RPTOR: variants seen among roughly 807,000 people sequenced by gnomAD.
RPTOR encodes the protein regulatory associated protein of MTOR complex 1.
In RPTOR, 21 loss-of-function variants were observed where a neutral mutation model predicts 169.9. The ratio of observed to expected loss-of-function variants is 0.12; its 90% CI spans 0.09 to 0.18. RPTOR has a LOEUF of 0.18. Ranked by LOEUF, RPTOR falls within the 10% of genes least tolerant of loss-of-function variation. The pLI is 1.00. For missense variants in RPTOR, 1,133 were observed against 1,855.9 expected, an observed-to-expected ratio of 0.61 and a Z score of 7.16; for synonymous variants, 732 against 753.2, an observed-to-expected ratio of 0.97 and a Z score of 0.46.
chr17:80,906,140 G>A (rs745757452), intron 20 of RPTOR, among the ~76,000 whole-genome samples: 10 of 151,974 alleles, frequency 6.6e-5, no homozygotes, highest in Admixed American at 2.6e-4. Context: ...CAGTGAGGCC[G>A]CATCTCCTCC....
In RPTOR at chr17:80,545,073, C is replaced by G; in HGVS notation, c.-557C>G. ...TTGAGGAACCGGGTGCAGGCGAGCA[C>G]GATGGGCCGGTCGTGGCTCTGGTTG... is the stretch of plus-strand genomic sequence containing the variant. On this transcript the variant is annotated 5_prime_UTR_variant, in exon 1 of 34. Transcript: ENST00000306801. 4.3e-6 allele frequency: 1 copy of G among 233,618 alleles called. No individual in the cohort carries two copies. The highest frequency in any genetic ancestry group is 8.5e-6 in the Non-Finnish European group (1 of 118,068). 14.5% of individuals were successfully genotyped at this position (233,618 alleles called of 1,614,324 possible).
Position 80,845,436 on chromosome 17 carries a change from CAA to C in RPTOR, c.1213-1036_1213-1035del, listed in dbSNP as rs2067717941. Among the ~76,000 whole-genome samples the C allele has an allele frequency of 6.6e-6, 1 of 152,154 alleles. No homozygotes were observed. ...CTCGTTTCCCATTTCACTGAGGAAACAAGAAGCAGTCGCATGACCGCCTCTGC... is the reference window on the plus strand; with the variant it reads ...CTCGTTTCCCATTTCACTGAGGAAACGAAGCAGTCGCATGACCGCCTCTGC... On this transcript the variant is annotated intron_variant, in intron 10 of 33. Coordinates refer to ENST00000306801, the MANE Select transcript of RPTOR (RefSeq NM_020761.3). The surrounding 1 kb of genome is among the most constrained non-coding windows in gnomAD (Gnocchi z 5.4).
At chr17:80,738,908 A>G (rs1036824762) in intron 5 of RPTOR, among the ~76,000 whole-genome samples, 1 of 152,284 alleles carries the variant, frequency 6.6e-6, no homozygotes, top group African/African-American at 2.4e-5. Flanking sequence ...TTGATTAGCC[A>G]TAATTCATGA....
At chr17:80,812,620 G>A (rs2067284691) in intron 7 of RPTOR, among the ~76,000 whole-genome samples, 1 of 152,106 alleles carries the variant, frequency 6.6e-6, no homozygotes, top group Non-Finnish European at 1.5e-5. Context: ...TTCCAAGAGA[G>A]GTGGCCCCAA....
Position 80,583,193 on chromosome 17 carries a change from T to TG in RPTOR, c.162+37402_162+37403insG, listed in dbSNP as rs1369977921. Among the ~76,000 whole-genome samples the TG allele has an allele frequency of 2.7e-3, 363 of 133,920 alleles. 3 individuals carry two copies. The highest frequency in any genetic ancestry group is 6.0e-3 in the South Asian group (24 of 4,000). 87.9% of individuals were successfully genotyped at this position (133,920 alleles called of 152,430 possible). ...ACTGCCTCTTTCCTGTTTTTTTTTT[T>TG]TTTTTTTTTTTTTGAGACAGAGTCT... On this transcript the variant is annotated intron_variant, in intron 1 of 33. Transcript: ENST00000306801.
At chr17:80,958,071 CG>C (rs1398791688) in intron 29 of RPTOR, among the ~76,000 whole-genome samples, 2 of 151,090 alleles carry the variant, frequency 1.3e-5, no homozygotes, top group African/African-American at 4.9e-5. Flanking sequence ...TATTTGGAGG[CG>C]TTTTTTTTTT....
intron 1 of RPTOR, among the ~76,000 whole-genome samples, chr17:80,578,670 G>A (rs554388918): frequency 2.0e-5 from 3 of 152,308 alleles, no homozygotes; most frequent in Non-Finnish European, 4.4e-5. Flanking sequence ...TGACTGAGAC[G>A]GTAACTACAG....
chr17:80,640,710 C>G (rs1329557619), intron 2 of RPTOR, among the ~76,000 whole-genome samples: 1 of 152,184 alleles, frequency 6.6e-6, no homozygotes, highest in Admixed American at 6.5e-5. Flanking sequence ...CTGCCTCCTG[C>G]CAACACTGGG....
At chr17:80,903,831 C>T (rs980711058) in intron 20 of RPTOR, among the ~76,000 whole-genome samples, 2 of 152,162 alleles carry the variant, frequency 1.3e-5, no homozygotes, top group Non-Finnish European at 2.9e-5. Context: ...GGTGCTCGCT[C>T]AACCAAAAGA....
chr17:80,886,579 G>A (rs1163714121), intron 17 of RPTOR, among the ~76,000 whole-genome samples: 2 of 152,220 alleles, frequency 1.3e-5, no homozygotes, highest in African/African-American at 2.4e-5. Flanking sequence ...TTACAAAAAC[G>A]ATATGAAAAT....
At chr17:80,841,584 GGCAGCTCACTCTCACCGCACT>G (rs2067659613) in intron 10 of RPTOR, among the ~76,000 whole-genome samples, 10 of 127,896 alleles carry the variant, frequency 7.8e-5, no homozygotes, top group Non-Finnish European at 1.5e-4. Flanking sequence ...CTCACCGCAC[GGCAGCTCACTCTCACCGCACT>G]GCAGCTCACT....
chr17:80,852,716 C>T (rs919933082), intron 11 of RPTOR, among the ~76,000 whole-genome samples: 2 of 152,016 alleles, frequency 1.3e-5, no homozygotes, highest in African/African-American at 4.8e-5. Flanking sequence ...CCTTCCCTGT[C>T]CCCCTCATCC....
chr17:80,664,824 A>G (rs1443038107), intron 3 of RPTOR, among the ~76,000 whole-genome samples: 3 of 152,348 alleles, frequency 2.0e-5, no homozygotes, highest in African/African-American at 7.2e-5. Flanking sequence ...TTGCTTCAGA[A>G]GGAGTTGGAT....
intron 7 of RPTOR, among the ~76,000 whole-genome samples, chr17:80,821,396 C>A (rs2067376757): frequency 6.6e-6 from 1 of 152,210 alleles, no homozygotes; most frequent in Non-Finnish European, 1.5e-5. Flanking sequence ...TTTTTGACAG[C>A]GGGATCATGC....
chr17:80,826,204 G>A (rs936095710), intron 9 of RPTOR, among the ~76,000 whole-genome samples: 4 of 152,174 alleles, frequency 2.6e-5, no homozygotes, highest in South Asian at 4.1e-4. Flanking sequence ...CCCTCACAGT[G>A]TCTTGCTGTA....
intron 3 of RPTOR, among the ~76,000 whole-genome samples, chr17:80,677,522 CCCTCCCACCAGACTCCAGCCTCA>C (rs1369683252): frequency 2.0e-4 from 30 of 152,132 alleles, no homozygotes; most frequent in South Asian, 8.3e-4. Context: ...CTCCCACCTT[CCCTCCCACCAGACTCCAGCCTCA>C]CCTCCCACCA....
chr17:80,846,855 G>T (rs889443803), intron 11 of RPTOR, among the ~76,000 whole-genome samples: 1 of 152,356 alleles, frequency 6.6e-6, no homozygotes, highest in South Asian at 2.1e-4. Flanking sequence ...GTGTAACTTT[G>T]GGACTGGGGA....
chr17:80,697,879 G>A (rs1373406145), intron 3 of RPTOR, among the ~76,000 whole-genome samples: 1 of 152,090 alleles, frequency 6.6e-6, no homozygotes, highest in East Asian at 1.9e-4. Flanking sequence ...TGGTTGGGGT[G>A]TTTGACTCCC....
intron 31 of RPTOR, among the ~76,000 whole-genome samples, chr17:80,962,026 A>G (rs1400208975): frequency 1.3e-5 from 2 of 152,236 alleles, no homozygotes; most frequent in African/African-American, 4.8e-5. Context: ...GGTGGAAGGC[A>G]GGAGCCACGG....
Sources: allele counts gnomAD v4.1 joint callset (sites outside exome capture counted in the v4.1 genomes callset), GRCh38; gene constraint gnomAD v4.1.1; non-coding constraint Gnocchi (gnomAD v3.1); transcripts MANE v1.5; gene names NCBI Gene and HGNC (gene_info 2026-07-23, HGNC 2026-07-21).